Variants in SDCCAG8 observed in about 807,000 individuals in gnomAD.
SDCCAG8 encodes serologically defined colon cancer antigen 8.
Under a neutral mutation model 101.8 loss-of-function variants are expected in SDCCAG8, and 74 were observed. That is an observed-to-expected ratio of 0.73 (90% confidence interval 0.60 to 0.88). SDCCAG8 has a LOEUF of 0.88. SDCCAG8 is among the 40% of genes least tolerant of loss of function. The pLI is 0.00. For missense variants in SDCCAG8, 787 were observed against 822.6 expected, an observed-to-expected ratio of 0.96 and a Z score of 0.53; for synonymous variants, 281 against 292.9, an observed-to-expected ratio of 0.96 and a Z score of 0.41.
chr1:243,390,221 T>TC (rs1212109994), intron 13 of SDCCAG8, among the ~76,000 whole-genome samples: 1 of 152,252 alleles, frequency 6.6e-6, no homozygotes, highest in African/African-American at 2.4e-5. Flanking sequence ...CTCATTTTTT[T>TC]CTTGTACTCC....
intron 16 of SDCCAG8, among the ~76,000 whole-genome samples, chr1:243,484,669 C>T (rs1664413177): frequency 6.6e-6 from 1 of 152,210 alleles, no homozygotes; most frequent in African/African-American, 2.4e-5. Context: ...TGAGTCTCTC[C>T]TCCATTGGCC....
At chr1:243,301,597 G>A (rs2071509026) in intron 6 of SDCCAG8, among the ~76,000 whole-genome samples, 1 of 152,104 alleles carries the variant, frequency 6.6e-6, no homozygotes, top group African/African-American at 2.4e-5. Context: ...TGTACAAAAA[G>A]AAAAGGAAAT....
chr1:243,277,433 A>T (rs145942625), intron 4 of SDCCAG8, among the ~76,000 whole-genome samples: 2 of 152,204 alleles, frequency 1.3e-5, no homozygotes, highest in Non-Finnish European at 2.9e-5. Flanking sequence ...TATTCCACCT[A>T]TGTAACATCT....
At chr1:243,407,980 AT>A (rs1362414209) in intron 13 of SDCCAG8, among the ~76,000 whole-genome samples, 1 of 152,182 alleles carries the variant, frequency 6.6e-6, no homozygotes, top group East Asian at 1.9e-4. Context: ...TAAGCATAGA[AT>A]TTTGGGTTCT....
chr1:243,458,256 A>G lies in SDCCAG8; in HGVS notation c.1986-30758A>G, dbSNP rs1658238921. Among the ~76,000 whole-genome samples, 1 of 152,156 alleles carries G rather than the reference A, an allele frequency of 6.6e-6. No homozygotes were observed. The highest frequency in any genetic ancestry group is 2.1e-4 in the South Asian group (1 of 4,818). On this transcript the variant is annotated intron_variant, in intron 16 of 17. Transcript: ENST00000366541. This position sits in a 1 kb window ranked among gnomAD's most constrained non-coding sequence, Gnocchi z 4.5. Reference sequence around the variant, plus strand: ...CTGGCCTCTGCTTTTGTGTTTCAAGAATTCTTGGTTCTGGCCCTGTCCTTG... The same window carrying G: ...CTGGCCTCTGCTTTTGTGTTTCAAGGATTCTTGGTTCTGGCCCTGTCCTTG...
At chr1:243,288,858 T>A (rs1024812352) in intron 5 of SDCCAG8, among the ~76,000 whole-genome samples, 1 of 151,772 alleles carries the variant, frequency 6.6e-6, no homozygotes, top group African/African-American at 2.4e-5. Context: ...ATACAAAAAA[T>A]TAGCCGGGCG....
intron 1 of SDCCAG8, among the ~76,000 whole-genome samples, chr1:243,259,281 C>T (rs574295094): frequency 1.3e-5 from 2 of 151,912 alleles, no homozygotes; most frequent in Admixed American, 1.3e-4. Flanking sequence ...GTGGCGGGCG[C>T]CTGTAGTCCC....
intron 16 of SDCCAG8, among the ~76,000 whole-genome samples, chr1:243,487,536 T>G (rs76641715): frequency 1.3e-5 from 2 of 152,298 alleles, no homozygotes; most frequent in East Asian, 3.9e-4. Flanking sequence ...GGAGGATCTT[T>G]GCTGTTCTGT....
chr1:243,378,396 T>A (rs3753548), intron 12 of SDCCAG8, among the ~76,000 whole-genome samples: 118,392 of 152,038 alleles, frequency 0.78, 46,181 homozygotes, highest in East Asian at 0.97. Context: ...AAAATGTTAC[T>A]TTTTAAAGGC....
intron 9 of SDCCAG8, among the ~76,000 whole-genome samples, chr1:243,321,392 C>T (rs1252563499): frequency 6.6e-6 from 1 of 151,754 alleles, no homozygotes; most frequent in African/African-American, 2.4e-5. Context: ...TCTCTCCTCC[C>T]CCAAGTTGTC....
chr1:243,290,703 C>G (rs1402029686), intron 5 of SDCCAG8, among the ~76,000 whole-genome samples: 4 of 152,222 alleles, frequency 2.6e-5, no homozygotes, highest in Non-Finnish European at 4.4e-5. Flanking sequence ...ATGAGGTTCT[C>G]TCTTCTTCGA....
rs2075011407 is a variant in SDCCAG8, at chr1:243,336,365, T to A, written c.1222-4674T>A. Reference sequence around the variant, plus strand: ...ATTGTGGTTTTGATTTGCATTTCTATGATGATTAGTGTTTTAGTCTGTTCT... The same window carrying A: ...ATTGTGGTTTTGATTTGCATTTCTAAGATGATTAGTGTTTTAGTCTGTTCT... On this transcript the variant is annotated intron_variant, in intron 10 of 17. Coordinates refer to ENST00000366541, the MANE Select transcript of SDCCAG8 (RefSeq NM_006642.5). 2.0e-5 allele frequency among the ~76,000 whole-genome samples: 3 copies of A among 152,212 alleles called. No homozygotes were observed. The South Asian group carries it at 6.2e-4, about 31-fold the overall frequency.
intron 13 of SDCCAG8, among the ~76,000 whole-genome samples, chr1:243,379,678 C>G (rs2077822692): frequency 6.6e-6 from 1 of 152,186 alleles, no homozygotes; most frequent in Non-Finnish European, 1.5e-5. Flanking sequence ...GTGTTCACAT[C>G]AAGCCTTTGG....
chr1:243,303,180 A>G (rs1558262101), intron 6 of SDCCAG8, among the ~76,000 whole-genome samples: 1 of 152,230 alleles, frequency 6.6e-6, no homozygotes, highest in African/African-American at 2.4e-5. Context: ...GTGCCAGAAA[A>G]TGAGGAAGAA....
intron 13 of SDCCAG8, among the ~76,000 whole-genome samples, chr1:243,391,331 A>T (rs2078684881): frequency 6.6e-6 from 1 of 152,326 alleles, no homozygotes; most frequent in African/African-American, 2.4e-5. Context: ...GTCTCATGGG[A>T]GACCAGGGCC....
intron 3 of SDCCAG8, among the ~76,000 whole-genome samples, chr1:243,273,344 T>C (rs943531499): frequency 2.0e-5 from 3 of 152,172 alleles, no homozygotes; most frequent in African/African-American, 7.2e-5. Flanking sequence ...TTGTTTTACC[T>C]TTTCCTGATT....
chr1:243,280,868 C>T (rs1237264737), intron 4 of SDCCAG8, among the ~76,000 whole-genome samples: 3 of 152,152 alleles, frequency 2.0e-5, no homozygotes, highest in Admixed American at 6.5e-5. Flanking sequence ...CTGAAGAAAA[C>T]GTGTGTACTG....
intron 16 of SDCCAG8, among the ~76,000 whole-genome samples, chr1:243,451,500 C>T (rs928118010): frequency 6.6e-6 from 1 of 152,094 alleles, no homozygotes; most frequent in African/African-American, 2.4e-5. Flanking sequence ...CATTCTTCAC[C>T]CCCTTCTATT....
At chr1:243,306,599 T>G (rs1337249944) in intron 7 of SDCCAG8, 4 of 152,174 alleles carry the variant, frequency 2.6e-5, no homozygotes, top group African/African-American at 9.7e-5. Context: ...CAAATCTACT[T>G]GAGTGTTTTG....
Sources: allele counts gnomAD v4.1 joint callset (sites outside exome capture counted in the v4.1 genomes callset), GRCh38; gene constraint gnomAD v4.1.1; non-coding constraint Gnocchi (gnomAD v3.1); transcripts MANE v1.5; gene names NCBI Gene and HGNC (gene_info 2026-07-23, HGNC 2026-07-21).